Variants in GALM observed in about 807,000 individuals in gnomAD.
The protein encoded by GALM is galactose mutarotase.
Under a neutral mutation model 37.4 loss-of-function variants are expected in GALM, and 43 were observed. The observed-to-expected ratio is 1.15, with a 90% confidence interval of 0.90 to 1.48. The LOEUF is 1.48. Ranked by LOEUF, GALM falls within the 40% of genes most tolerant of loss-of-function variation. The pLI is 0.00. For synonymous variants in GALM, 199 were observed against 170.6 expected (o/e 1.17, Z -1.30); for missense variants, 456 against 419.1 (o/e 1.09, Z -0.77).
intron 1 of GALM, among the ~76,000 whole-genome samples, chr2:38,675,527 T>G (rs1211749600): frequency 3.4e-5 from 2 of 58,258 alleles, no homozygotes; most frequent in East Asian, 7.1e-4. Flanking sequence ...GGTTTTTTTG[T>G]TTTTTTTTTT....
At chr2:38,673,571 G>A (rs539588797) in intron 1 of GALM, among the ~76,000 whole-genome samples, 1 of 152,234 alleles carries the variant, frequency 6.6e-6, no homozygotes, top group South Asian at 2.1e-4. Context: ...AAAGTAATAT[G>A]GGGCCGGGGC....
Position 38,667,980 on chromosome 2 carries a change from G to C in GALM, c.190+1629G>C, listed in dbSNP as rs180999976. 2.1e-4 allele frequency among the ~76,000 whole-genome samples: 32 copies of C among 152,310 alleles called. 2 individuals are homozygous for C. The highest frequency in any genetic ancestry group is 3.4e-3 in the Middle Eastern group (1 of 294). On this transcript the variant is annotated intron_variant, in intron 1 of 6. Coordinates refer to ENST00000272252, the MANE Select transcript of GALM (RefSeq NM_138801.3). ...TGCATGGGGAGGCCAAGAAAAATCTGAACACAGGCCTTGCCGAGTTTCCCC... is the reference window on the plus strand; with the variant it reads ...TGCATGGGGAGGCCAAGAAAAATCTCAACACAGGCCTTGCCGAGTTTCCCC...
At chr2:38,686,406 C>T (rs1665537381) in intron 3 of GALM, among the ~76,000 whole-genome samples, 1 of 151,770 alleles carries the variant, frequency 6.6e-6, no homozygotes, top group African/African-American at 2.4e-5. Context: ...GCTGGGACTA[C>T]AGGCGCCCAC....
Position 38,666,150 on chromosome 2 carries a change from C to T in GALM, c.-12C>T. 1.9e-6 allele frequency: 3 copies of T among 1,606,340 alleles called. No homozygotes were observed. Among genetic ancestry groups the T allele is most frequent in the Non-Finnish European group, 2.6e-6 (3 of 1,175,808 alleles). On this transcript the variant is annotated 5_prime_UTR_variant, in exon 1 of 7. Coordinates refer to ENST00000272252, the MANE Select transcript of GALM (RefSeq NM_138801.3). ...AAGAGCGGGCAGTGGCTGCACACGCCAAACTTTCCCTATGGCTTCGGTGAC... is the reference window on the plus strand; with the variant it reads ...AAGAGCGGGCAGTGGCTGCACACGCTAAACTTTCCCTATGGCTTCGGTGAC...
chr2:38,702,168 G>A (rs969143612), intron 4 of GALM, among the ~76,000 whole-genome samples: 5 of 151,044 alleles, frequency 3.3e-5, no homozygotes, highest in African/African-American at 4.9e-5. Flanking sequence ...CTGGACAACT[G>A]CACTCTAACA....
chr2:38,731,396 CAAAAAAAAAAAAAA>C (rs66613702), intron 5 of GALM, among the ~76,000 whole-genome samples: 1 of 121,660 alleles, frequency 8.2e-6, no homozygotes, highest in African/African-American at 3.2e-5. Context: ...GACTCTATTT[CAAAAAAAAAAAAAA>C]AAAAAAAAAG....
At chr2:38,684,859 A>C (rs556055206) in intron 3 of GALM, among the ~76,000 whole-genome samples, 7 of 152,128 alleles carry the variant, frequency 4.6e-5, no homozygotes, top group Non-Finnish European at 7.4e-5. Context: ...TTACCGAAAG[A>C]GTTATGAAAG....
At chr2:38,686,628 C>T (rs1410585095) in intron 3 of GALM, among the ~76,000 whole-genome samples, 1 of 152,134 alleles carries the variant, frequency 6.6e-6, no homozygotes, top group African/African-American at 2.4e-5. Flanking sequence ...ACCCAGAAGT[C>T]TATCAACAGG....
At chr2:38,682,202 T>A (rs1166146231) in intron 3 of GALM, 1 of 415,036 alleles carries the variant, frequency 2.4e-6, no homozygotes, top group Non-Finnish European at 5.0e-6. Flanking sequence ...CAACCCCCCT[T>A]AAGTGATCCC....
At chr2:38,688,639 C>T (rs968426229) in intron 3 of GALM, among the ~76,000 whole-genome samples, 2 of 152,164 alleles carry the variant, frequency 1.3e-5, no homozygotes, top group Non-Finnish European at 2.9e-5. Context: ...TTCCCTTCCA[C>T]ATCTTCTGGT....
chr2:38,709,324 A>G (rs968406284), intron 4 of GALM, among the ~76,000 whole-genome samples: 2 of 152,172 alleles, frequency 1.3e-5, no homozygotes, highest in Admixed American at 6.5e-5. Flanking sequence ...TGAACTTTCT[A>G]CTAGACAGCA....
At chr2:38,680,548 T>A (rs1003565924) in intron 2 of GALM, among the ~76,000 whole-genome samples, 1 of 152,082 alleles carries the variant, frequency 6.6e-6, no homozygotes, top group African/African-American at 2.4e-5. Flanking sequence ...ACAAATGCCT[T>A]ATTTGTTTTG....
At chr2:38,694,543 A>T (rs971390424) in intron 4 of GALM, among the ~76,000 whole-genome samples, 1 of 152,128 alleles carries the variant, frequency 6.6e-6, no homozygotes, top group Non-Finnish European at 1.5e-5. Flanking sequence ...AAGGAGGGAG[A>T]GGTTTTCTTG....
At chr2:38,721,848 T>C (rs1185553705) in intron 4 of GALM, among the ~76,000 whole-genome samples, 1 of 152,106 alleles carries the variant, frequency 6.6e-6, no homozygotes, top group African/African-American at 2.4e-5. Context: ...TCCAATGATC[T>C]TGTCCTTCAC....
chr2:38,700,065 C>A (rs1338195975), intron 4 of GALM, among the ~76,000 whole-genome samples: 3 of 152,094 alleles, frequency 2.0e-5, no homozygotes, highest in Non-Finnish European at 4.4e-5. Flanking sequence ...AATTCTCGTG[C>A]CTCAGCCTGC....
intron 6 of GALM, 126 bp from the exon 7 acceptor site, chr2:38,733,362 A>G: frequency 1.2e-6 from 1 of 801,154 alleles, no homozygotes; most frequent in Non-Finnish European, 2.2e-6. Context: ...AACCAATCAT[A>G]AACAGTTCCC....
intron 3 of GALM, among the ~76,000 whole-genome samples, chr2:38,686,410 C>CACGT (rs1665537551): frequency 6.6e-6 from 1 of 151,712 alleles, no homozygotes; most frequent in African/African-American, 2.4e-5. Flanking sequence ...GGACTACAGG[C>CACGT]GCCCACCACC....
chr2:38,727,652 G>C (rs1452886720), intron 4 of GALM, among the ~76,000 whole-genome samples: 1 of 151,576 alleles, frequency 6.6e-6, no homozygotes, highest in Non-Finnish European at 1.5e-5. Context: ...ACTTGAACCA[G>C]GAGGCAGAGG....
At chr2:38,675,517 GGTTTTTTT>G (rs1311707298) in intron 1 of GALM, among the ~76,000 whole-genome samples, 33 of 124,798 alleles carry the variant, frequency 2.6e-4, no homozygotes, top group Non-Finnish European at 3.7e-4. Context: ...TTGGATTGAG[GGTTTTTTT>G]GTTTTTTTTT....
Sources: allele counts gnomAD v4.1 joint callset (sites outside exome capture counted in the v4.1 genomes callset), GRCh38; gene constraint gnomAD v4.1.1; transcripts MANE v1.5; gene names NCBI Gene and HGNC (gene_info 2026-07-23, HGNC 2026-07-21).